Variants in WWC1 observed in about 807,000 individuals in gnomAD.
WWC1 encodes protein KIBRA.
Under a neutral mutation model 138.4 loss-of-function variants are expected in WWC1, and 55 were observed. That is an observed-to-expected ratio of 0.40 (90% CI 0.32 to 0.50). The LOEUF (loss-of-function observed/expected upper bound fraction) is 0.50, where lower values mean the gene tolerates loss of function less well. Among genes scored for constraint, WWC1 ranks in the 20% least tolerant of loss-of-function variants. The probability of loss-of-function intolerance (pLI) is 0.72; values close to 1 mark genes in which losing one functional copy is unlikely to be tolerated. For synonymous variants in WWC1, 524 were observed against 564.9 expected, an observed-to-expected ratio of 0.93 and a Z score of 1.03; for missense variants, 1,226 against 1,420.4, an observed-to-expected ratio of 0.86 and a Z score of 2.20.
In WWC1 at chr5:168,389,716, T is replaced by TA. The variant is rs199977114; in HGVS notation, c.433+4302_433+4303insA. Reference sequence around the variant, plus strand: ...ACCGACTGAACCAGTTGGGCAGAAATGTTAATAGTACCTTCATCTCATGGG... The same window carrying TA: ...ACCGACTGAACCAGTTGGGCAGAAATAGTTAATAGTACCTTCATCTCATGGG... On this transcript the variant is annotated intron_variant, in intron 3 of 22. Transcript: ENST00000265293. Among the ~76,000 whole-genome samples the TA allele has an allele frequency of 2.5e-4, 38 of 150,122 alleles. No individual in the cohort carries two copies. In the East Asian group the frequency reaches 6.7e-3, roughly 27 times the overall value.
At chr5:168,442,259 A>G (rs770676319) in intron 16 of WWC1, among the ~76,000 whole-genome samples, 3 of 152,088 alleles carry the variant, frequency 2.0e-5, no homozygotes, top group Non-Finnish European at 4.4e-5. Context: ...TAGGTCAGTC[A>G]TATCACCTCT....
At chr5:168,424,735 G>A (rs1781373300) in intron 11 of WWC1, among the ~76,000 whole-genome samples, 2 of 152,220 alleles carry the variant, frequency 1.3e-5, no homozygotes, top group Non-Finnish European at 2.9e-5. Flanking sequence ...AACTAGGCAA[G>A]AGTCCAGATC....
At chr5:168,376,750 A>T (rs541244061) in intron 2 of WWC1, among the ~76,000 whole-genome samples, 3 of 152,202 alleles carry the variant, frequency 2.0e-5, no homozygotes, top group Non-Finnish European at 4.4e-5. Flanking sequence ...ATACAAGGAG[A>T]ACTACTAAAC....
intron 1 of WWC1, among the ~76,000 whole-genome samples, chr5:168,305,964 A>C (rs1390489280): frequency 6.6e-6 from 1 of 152,236 alleles, no homozygotes; most frequent in Non-Finnish European, 1.5e-5. Context: ...GAATGAGATT[A>C]AATGAAAGTA....
intron 10 of WWC1, among the ~76,000 whole-genome samples, chr5:168,423,253 T>G (rs571169261): frequency 1.1e-4 from 17 of 150,950 alleles, no homozygotes; most frequent in Non-Finnish European, 1.9e-4. Context: ...ATCATACAAA[T>G]GCAACGTAGC....
At chr5:168,351,939 C>T (rs1344746748) in intron 1 of WWC1, among the ~76,000 whole-genome samples, 1 of 152,168 alleles carries the variant, frequency 6.6e-6, no homozygotes. Context: ...TTGTTTGCCC[C>T]ACGTTCTCTG....
chr5:168,368,172 C>T (rs1776471542), intron 1 of WWC1, among the ~76,000 whole-genome samples: 1 of 149,278 alleles, frequency 6.7e-6, no homozygotes, highest in Non-Finnish European at 1.5e-5. Context: ...CTCATCGCAA[C>T]CTCCACCTCC....
intron 1 of WWC1, among the ~76,000 whole-genome samples, chr5:168,364,862 T>A (rs536279887): frequency 6.6e-6 from 1 of 152,192 alleles, no homozygotes; most frequent in Non-Finnish European, 1.5e-5. Context: ...TGCTTCTGGC[T>A]GGGGTGCATC....
Position 168,399,529 on chromosome 5 carries a change from G to T in WWC1, c.552G>T (p.Glu184Asp). 1 of 1,614,190 alleles carries T rather than the reference G, an allele frequency of 6.2e-7. No individual in the cohort carries two copies. Among genetic ancestry groups the T allele is most frequent in the Non-Finnish European group, 8.5e-7 (1 of 1,180,034 alleles). The change falls in exon 5 of 23, where the codon GAG (glutamate) becomes GAT (aspartate). Residue 184 changes from glutamate to aspartate, a missense_variant. By Grantham distance (45) the Glu-to-Asp change is conservative. Transcript: ENST00000265293. ...LKREMVHLQH[E>D]LQFKERGFQT... ...GAGAGATGGTTCACCTCCAGCACGA[G>T]CTGCAGTTCAAAGAGCGTGGCTTTC...
At chr5:168,407,234 T>C (rs1420052624) in intron 6 of WWC1, among the ~76,000 whole-genome samples, 3 of 152,168 alleles carry the variant, frequency 2.0e-5, no homozygotes, top group Non-Finnish European at 1.5e-5. Context: ...TAATAGATAT[T>C]ATGTAATGTG....
intron 15 of WWC1, among the ~76,000 whole-genome samples, chr5:168,438,327 T>C (rs979162552): frequency 3.3e-5 from 5 of 152,186 alleles, no homozygotes; most frequent in Admixed American, 2.6e-4. Flanking sequence ...CCCATGCTGC[T>C]GTTCTCATGA....
At chr5:168,442,518 T>C (rs916096293) in intron 16 of WWC1, among the ~76,000 whole-genome samples, 3 of 151,516 alleles carry the variant, frequency 2.0e-5, no homozygotes, top group African/African-American at 4.8e-5. Context: ...GAGCACTTGG[T>C]AACTGTTCCA....
chr5:168,344,998 G>A (rs532605179), intron 1 of WWC1, among the ~76,000 whole-genome samples: 37 of 152,104 alleles, frequency 2.4e-4, no homozygotes, highest in Non-Finnish European at 5.3e-4. Flanking sequence ...TTCTCTTCTC[G>A]TTTGACTTTC....
intron 9 of WWC1, chr5:168,414,963 T>C (rs1273481328): frequency 1.0e-5 from 2 of 194,184 alleles, no homozygotes; most frequent in African/African-American, 4.7e-5. Context: ...CACAAAATAG[T>C]GCATGCTCTT....
At chr5:168,378,541 T>C (rs192563408) in intron 2 of WWC1, among the ~76,000 whole-genome samples, 126 of 152,378 alleles carry the variant, frequency 8.3e-4, no homozygotes, top group Middle Eastern at 6.8e-3. Context: ...GGAAGACTCT[T>C]TGTGTATGTT....
At chr5:168,355,695 G>A (rs747824220) in intron 1 of WWC1, among the ~76,000 whole-genome samples, 21 of 152,080 alleles carry the variant, frequency 1.4e-4, no homozygotes, top group Non-Finnish European at 2.9e-4. Context: ...GGGGCAAGGA[G>A]TTCTATTCCA....
chr5:168,358,923 C>G (rs1358440364), intron 1 of WWC1, among the ~76,000 whole-genome samples: 2 of 152,138 alleles, frequency 1.3e-5, no homozygotes, highest in African/African-American at 4.8e-5. Flanking sequence ...CCCTCCTCCC[C>G]AGGCAACCAC....
intron 1 of WWC1, among the ~76,000 whole-genome samples, chr5:168,318,573 T>C (rs919603631): frequency 2.6e-5 from 4 of 151,898 alleles, no homozygotes; most frequent in African/African-American, 9.7e-5. Context: ...TTTTTTTTTT[T>C]TTTGAGATGG....
chr5:168,450,621 G>A (rs1478081171), intron 17 of WWC1, among the ~76,000 whole-genome samples: 9 of 151,994 alleles, frequency 5.9e-5, no homozygotes, highest in Non-Finnish European at 1.3e-4. Context: ...AGCTGAGGTC[G>A]CACCACTGCA....
Sources: gnomAD v4.1 joint callset for allele counts (sites outside exome capture counted in the v4.1 genomes callset) on GRCh38, gnomAD v4.1.1 for gene constraint, MANE v1.5 for transcripts, NCBI Gene and HGNC (gene_info 2026-07-23, HGNC 2026-07-21) for gene names.